The following JAM2 variants were observed in gnomAD, a reference collection of about 807,000 sequenced individuals.
The protein encoded by JAM2 is junctional adhesion molecule B.
Under a neutral mutation model 42.0 loss-of-function variants are expected in JAM2, and 17 were observed. The ratio of observed to expected loss-of-function variants is 0.40; its 90% CI spans 0.28 to 0.61. The LOEUF (loss-of-function observed/expected upper bound fraction) is 0.61, where lower values mean the gene tolerates loss of function less well. JAM2 is among the 20% of genes least tolerant of loss of function. JAM2 has a pLI of 0.37. For missense variants in JAM2, 319 were observed against 358.3 expected, an observed-to-expected ratio of 0.89 and a Z score of 0.89; for synonymous variants, 118 against 128.6, an observed-to-expected ratio of 0.92 and a Z score of 0.56.
chr21:25,641,767 T>C (rs1237412958), intron 1 of JAM2, among the ~76,000 whole-genome samples: 1 of 152,192 alleles, frequency 6.6e-6, no homozygotes, highest in Non-Finnish European at 1.5e-5. Flanking sequence ...CTAATGCCTT[T>C]TCTATTCCAG....
At chr21:25,713,806 G>A (rs1270086877) in intron 9 of JAM2, among the ~76,000 whole-genome samples, 1 of 152,214 alleles carries the variant, frequency 6.6e-6, no homozygotes, top group African/African-American at 2.4e-5. Flanking sequence ...CTCTTGGAGT[G>A]TGGAATCGAA....
rs1346529362 is a variant in JAM2, at chr21:25,639,582, A to G, written c.-240A>G. Reference sequence around the variant, plus strand: ...CACGCCCTCTAGCCCCTACCCCCACACCCCCAAAACAGAACAGACCCCCAT... The same window carrying G: ...CACGCCCTCTAGCCCCTACCCCCACGCCCCCAAAACAGAACAGACCCCCAT... On this transcript the variant is annotated 5_prime_UTR_variant, in exon 1 of 10. Coordinates refer to ENST00000480456, the MANE Select transcript of JAM2 (RefSeq NM_021219.4). 5.2e-6 allele frequency: 2 copies of G among 381,256 alleles called. No homozygotes were observed. The highest frequency in any genetic ancestry group is 9.2e-6 in the Non-Finnish European group (2 of 216,704). The allele number at this position is 381,256 out of a possible 1,614,324, so 23.6% of individuals were successfully genotyped here.
rs1393032305 is a variant in JAM2, at chr21:25,689,908, C to A, written c.176C>A (p.Ser59Tyr). The part of the protein sequence containing the change: ...ACKTPKKTVS[S>Y]RLEWKKLGRS... ...AAAACCCCAAAGAAGACTGTTTCCTCCAGATTAGAGTGGAAGAAACTGGGT... is the reference window on the plus strand; with the variant it reads ...AAAACCCCAAAGAAGACTGTTTCCTACAGATTAGAGTGGAAGAAACTGGGT... Residue 59 changes from serine to tyrosine, a missense_variant, in exon 3 of 10, where the codon TCC (serine) becomes TAC (tyrosine). Coordinates refer to ENST00000480456, the MANE Select transcript of JAM2 (RefSeq NM_021219.4). 3.1e-6 allele frequency: 5 copies of A among 1,613,674 alleles called. No individual in the cohort carries two copies. Among genetic ancestry groups the A allele is most frequent in the Non-Finnish European group, 4.2e-6 (5 of 1,179,788 alleles).
intron 2 of JAM2, among the ~76,000 whole-genome samples, chr21:25,685,400 T>C (rs1294141184): frequency 6.6e-6 from 1 of 151,648 alleles, no homozygotes; most frequent in African/African-American, 2.4e-5. Flanking sequence ...GCACACCTGT[T>C]GTCCCAGCTA....
At chr21:25,696,698 T>G (rs2034044210) in intron 4 of JAM2, among the ~76,000 whole-genome samples, 2 of 152,230 alleles carry the variant, frequency 1.3e-5, no homozygotes, top group East Asian at 1.9e-4. Context: ...GTTTCCAGGC[T>G]CATTCTTGGT....
At chr21:25,701,040 C>T (rs1331871345) in intron 5 of JAM2, among the ~76,000 whole-genome samples, 1 of 152,196 alleles carries the variant, frequency 6.6e-6, no homozygotes, top group Non-Finnish European at 1.5e-5. Context: ...AAGGAATGCA[C>T]CTGGATTGAA....
chr21:25,709,290 CAACTCTTAATTTAGAAGGTAT>C (rs1487091329), intron 7 of JAM2, 123 bp from the exon 8 acceptor site: 1 of 486,140 alleles, frequency 2.1e-6, no homozygotes, highest in Non-Finnish European at 3.6e-6. Context: ...AAAAGTTTGC[CAACTCTTAATTTAGAAGGTAT>C]AAACGTCAGC....
chr21:25,650,563 C>A (rs1388205142), intron 1 of JAM2, among the ~76,000 whole-genome samples: 1 of 152,184 alleles, frequency 6.6e-6, no homozygotes, highest in Non-Finnish European at 1.5e-5. Flanking sequence ...ACATATCCTA[C>A]TTCATTTCTT....
intron 7 of JAM2, among the ~76,000 whole-genome samples, chr21:25,707,114 TAA>T: frequency 6.6e-6 from 1 of 152,172 alleles, no homozygotes. Flanking sequence ...TTCATTGAAA[TAA>T]ATAAGTGAAA....
chr21:25,664,316 A>G (rs1477452582), intron 1 of JAM2, among the ~76,000 whole-genome samples: 2 of 151,726 alleles, frequency 1.3e-5, no homozygotes, highest in South Asian at 2.1e-4. Context: ...GCTCACCACA[A>G]CCTCCACTTC....
At chr21:25,666,986 G>A (rs188414245) in intron 1 of JAM2, among the ~76,000 whole-genome samples, 85 of 152,048 alleles carry the variant, frequency 5.6e-4, no homozygotes, top group Non-Finnish European at 9.8e-4. Context: ...TGTCAGAATT[G>A]GCTACTTCAA....
intron 6 of JAM2, 141 bp downstream of exon 6, chr21:25,702,410 A>C: frequency 2.0e-6 from 1 of 489,662 alleles, no homozygotes. Context: ...AATTAACTTG[A>C]TATGATGTGT....
At chr21:25,646,376 G>C (rs1233510851) in intron 1 of JAM2, among the ~76,000 whole-genome samples, 2 of 152,038 alleles carry the variant, frequency 1.3e-5, no homozygotes, top group Non-Finnish European at 2.9e-5. Context: ...TAGCTCTTTT[G>C]GTTACTATGT....
At chr21:25,642,563 A>G (rs575412468) in intron 1 of JAM2, among the ~76,000 whole-genome samples, 8 of 151,910 alleles carry the variant, frequency 5.3e-5, no homozygotes, top group Admixed American at 1.3e-4. Flanking sequence ...AGCATTCTTT[A>G]TATCTTTCTT....
chr21:25,706,917 T>G (rs1006780854), intron 7 of JAM2, among the ~76,000 whole-genome samples: 1 of 152,010 alleles, frequency 6.6e-6, no homozygotes, highest in African/African-American at 2.4e-5. Context: ...TTTTTGTATT[T>G]TTAGTAGAGA....
intron 1 of JAM2, among the ~76,000 whole-genome samples, chr21:25,672,027 G>A (rs1193762295): frequency 2.0e-5 from 3 of 152,140 alleles, no homozygotes; most frequent in East Asian, 1.9e-4. Context: ...AAACATCTAC[G>A]TAGCGTGGGA....
At chr21:25,670,549 C>A (rs2033336075) in intron 1 of JAM2, among the ~76,000 whole-genome samples, 1 of 151,992 alleles carries the variant, frequency 6.6e-6, no homozygotes, top group Non-Finnish European at 1.5e-5. Context: ...CCTGACCATT[C>A]TAGGAAGCAG....
At chr21:25,691,584 CTT>C (rs2033882367) in intron 3 of JAM2, among the ~76,000 whole-genome samples, 1 of 152,186 alleles carries the variant, frequency 6.6e-6, no homozygotes, top group Admixed American at 6.5e-5. Context: ...TTTTAACCAT[CTT>C]TTCTTGTGCC....
chr21:25,714,584 T>C, intron 9 of JAM2, 56 bp from the exon 10 acceptor site: 1 of 1,049,292 alleles, frequency 9.5e-7, no homozygotes, highest in Non-Finnish European at 1.4e-6. Flanking sequence ...ATAAGATTTA[T>C]GTTTCTTTAA....
Sources: gnomAD v4.1 joint callset for allele counts (sites outside exome capture counted in the v4.1 genomes callset) on GRCh38, gnomAD v4.1.1 for gene constraint, MANE v1.5 for transcripts, NCBI Gene and HGNC (gene_info 2026-07-23, HGNC 2026-07-21) for gene names.